NFAT5: variants seen among roughly 807,000 people sequenced by gnomAD.
NFAT5 encodes the protein nuclear factor of activated T cells 5.
NFAT5 carries 31 observed loss-of-function variants against 166.5 expected under a neutral mutation model. That is an observed-to-expected ratio of 0.19 (90% CI 0.14 to 0.25). NFAT5 has a LOEUF of 0.25. Among genes scored for constraint, NFAT5 ranks in the 10% least tolerant of loss-of-function variants. NFAT5 has a pLI of 1.00. For synonymous variants in NFAT5, 612 were observed against 639.7 expected, an observed-to-expected ratio of 0.96 and a Z score of 0.65; for missense variants, 1,449 against 1,821.8, an observed-to-expected ratio of 0.80 and a Z score of 3.72.
chr16:69,655,752 T>C lies in NFAT5; in HGVS notation c.1149T>C (p.Thr383=), dbSNP rs1187633351. 6.2e-7 allele frequency: 1 copy of C among 1,613,918 alleles called. No individual in the cohort carries two copies. Among genetic ancestry groups the C allele is most frequent in the Non-Finnish European group, 8.5e-7 (1 of 1,179,890 alleles). The change falls in exon 6 of 15, where the codon ACT becomes ACC. Residue 383 remains threonine (T), a synonymous_variant. Coordinates refer to ENST00000349945, the MANE Select transcript of NFAT5 (RefSeq NM_138713.4). ...TPCKEVDIEG[T]TVIEVGLDPS... Reference sequence around the variant, plus strand: ...GCAAAGAAGTGGACATTGAAGGCACTACTGTTATAGAAGTCGGCCTTGATC... The same window carrying C: ...GCAAAGAAGTGGACATTGAAGGCACCACTGTTATAGAAGTCGGCCTTGATC...
In NFAT5 at chr16:69,692,737, A is replaced by T. The variant is rs1567614202; in HGVS notation, c.2912A>T (p.Glu971Val). 1 of 1,614,216 alleles carries T rather than the reference A, an allele frequency of 6.2e-7. No individual in the cohort carries two copies. Among genetic ancestry groups the T allele is most frequent in the Non-Finnish European group, 8.5e-7 (1 of 1,180,032 alleles). ...AATGAGGATATGCAAATGCAGTGTGAATTGTTTTCTTCTCCTCCTGCAGTT... is the reference window on the plus strand; with the variant it reads ...AATGAGGATATGCAAATGCAGTGTGTATTGTTTTCTTCTCCTCCTGCAGTT... ...STNEDMQMQC[E>V]LFSSPPAVSG... The change falls in exon 13 of 15, where the codon GAA becomes GTA. Residue 971 changes from glutamate (E) to valine (V), a missense_variant. Transcript: ENST00000349945.
chr16:69,691,959 G>A lies in NFAT5; in HGVS notation c.2134G>A (p.Ala712Thr). The change falls in exon 13 of 15, where the codon GCT becomes ACT. Residue 712 changes from alanine (A) to threonine (T), a missense_variant. Transcript: ENST00000349945. ...GCCTGGTACTTTTCCAGCAGTTTCT[G>A]CTTCTAGTCAGCTGCCCAACAGCGA... ...SQPGTFPAVSASSQLPNSDAL... is the reference protein window; with the variant it reads ...SQPGTFPAVSTSSQLPNSDAL... The A allele has an allele frequency of 1.2e-6, 2 of 1,614,124 alleles. No homozygotes were observed. Among genetic ancestry groups the A allele is most frequent in the Non-Finnish European group, 1.7e-6 (2 of 1,180,024 alleles).
At chr16:69,642,131 A>C (rs1350619445) in intron 3 of NFAT5, among the ~76,000 whole-genome samples, 2 of 152,146 alleles carry the variant, frequency 1.3e-5, no homozygotes, top group Non-Finnish European at 2.9e-5. Flanking sequence ...AAAGAAAGTA[A>C]ATAAAATCCT....
At chr16:69,612,037 G>T (rs1299698049) in intron 2 of NFAT5, among the ~76,000 whole-genome samples, 1 of 152,176 alleles carries the variant, frequency 6.6e-6, no homozygotes, top group East Asian at 1.9e-4. Flanking sequence ...CAGGTACAAT[G>T]TTGTTTCTTC....
chr16:69,667,244 G>A (rs1326722038), intron 7 of NFAT5, among the ~76,000 whole-genome samples: 1 of 151,402 alleles, frequency 6.6e-6, no homozygotes, highest in East Asian at 1.9e-4. Flanking sequence ...AGTGGGTGCA[G>A]CACACCAGCA....
intron 6 of NFAT5, among the ~76,000 whole-genome samples, chr16:69,657,861 G>T (rs1040715480): frequency 1.3e-5 from 2 of 150,960 alleles, no homozygotes; most frequent in Non-Finnish European, 2.9e-5. Flanking sequence ...CGAGGCAGGC[G>T]GATCACGAGG....
intron 10 of NFAT5, among the ~76,000 whole-genome samples, chr16:69,680,983 C>A (rs2037036639): frequency 6.6e-6 from 1 of 152,296 alleles, no homozygotes; most frequent in East Asian, 1.9e-4. Flanking sequence ...TGGTCTCTAA[C>A]TCCTGACCTC....
At chr16:69,598,874 C>T (rs767866141) in intron 2 of NFAT5, among the ~76,000 whole-genome samples, 9 of 151,676 alleles carry the variant, frequency 5.9e-5, no homozygotes, top group East Asian at 3.9e-4. Context: ...ATTAGCCGGG[C>T]GCGATGGTGC....
intron 2 of NFAT5, among the ~76,000 whole-genome samples, chr16:69,593,591 A>T (rs955081603): frequency 2.0e-5 from 3 of 152,054 alleles, no homozygotes; most frequent in African/African-American, 7.3e-5. Flanking sequence ...CTGGGATTAT[A>T]GGCAGGAGCC....
chr16:69,568,252 G>A (rs1238837014), intron 1 of NFAT5, among the ~76,000 whole-genome samples: 3 of 152,058 alleles, frequency 2.0e-5, no homozygotes, highest in Non-Finnish European at 2.9e-5. Context: ...TCCGGGAGGC[G>A]GAGGTTGCGG....
intron 1 of NFAT5, among the ~76,000 whole-genome samples, chr16:69,567,284 T>C (rs2016123095): frequency 6.6e-6 from 1 of 152,182 alleles, no homozygotes; most frequent in South Asian, 2.1e-4. Context: ...TCTGAAATAT[T>C]AGCACTGGAG....
intron 1 of NFAT5, among the ~76,000 whole-genome samples, chr16:69,567,627 C>A (rs1458646395): frequency 1.3e-5 from 2 of 152,182 alleles, no homozygotes; most frequent in African/African-American, 4.8e-5. Flanking sequence ...AGGTGCTGGA[C>A]TTTACAGACT....
At chr16:69,594,842 G>A (rs2032697380) in intron 2 of NFAT5, among the ~76,000 whole-genome samples, 1 of 152,154 alleles carries the variant, frequency 6.6e-6, no homozygotes, top group African/African-American at 2.4e-5. Flanking sequence ...CCCACAATAG[G>A]TCATCTGCAA....
chr16:69,667,797 G>A lies in NFAT5; in HGVS notation c.1370-2180G>A, dbSNP rs541626594. Among the ~76,000 whole-genome samples, 11 of 152,168 alleles carry A rather than the reference G, an allele frequency of 7.2e-5. No individual in the cohort carries two copies. The East Asian group carries it at 2.1e-3, about 29-fold the overall frequency. ...GTTTCTGGAATGTTTTTAAAAACAA[G>A]TATCTATTTCCTGTTACTCCAAAAA... On this transcript the variant is annotated intron_variant, in intron 7 of 14. Transcript: ENST00000349945.
chr16:69,589,549 T>C (rs551287597), intron 2 of NFAT5, among the ~76,000 whole-genome samples: 1 of 152,298 alleles, frequency 6.6e-6, no homozygotes, highest in East Asian at 1.9e-4. Flanking sequence ...AAAAAAATTT[T>C]AGCAGTTAAA....
At chr16:69,661,351 A>C (rs1468529182) in intron 7 of NFAT5, among the ~76,000 whole-genome samples, 1 of 150,182 alleles carries the variant, frequency 6.7e-6, no homozygotes, top group Non-Finnish European at 1.5e-5. Context: ...ATTGAACAAC[A>C]TAATGAGAGA....
intron 2 of NFAT5, among the ~76,000 whole-genome samples, chr16:69,569,966 G>T (rs1041437954): frequency 3.9e-5 from 6 of 152,096 alleles, no homozygotes; most frequent in Non-Finnish European, 7.4e-5. Flanking sequence ...AGACATATTT[G>T]TCTGTACAAA....
rs140442640 is a variant in NFAT5, at chr16:69,594,776, A to G, written c.127+26228A>G. ...GACAGAACTAATAGGATAGATGTAT[A>G]TATCTACAGGGGAGCTTATTAAGGA... On this transcript the variant is annotated intron_variant, in intron 2 of 14. Transcript: ENST00000349945. 8.7e-3 allele frequency among the ~76,000 whole-genome samples: 1,332 copies of G among 152,288 alleles called. 17 individuals are homozygous for G. Among genetic ancestry groups the G allele is most frequent in the African/African-American group, 0.031 (1,271 of 41,550 alleles).
chr16:69,669,348 C>T (rs1177341580), intron 7 of NFAT5, among the ~76,000 whole-genome samples: 1 of 152,066 alleles, frequency 6.6e-6, no homozygotes, highest in Non-Finnish European at 1.5e-5. Flanking sequence ...GGTTCGAGAC[C>T]AGCCTGACCA....
Sources: gnomAD v4.1 joint callset for allele counts (sites outside exome capture counted in the v4.1 genomes callset) on GRCh38, gnomAD v4.1.1 for gene constraint, MANE v1.5 for transcripts, NCBI Gene and HGNC (gene_info 2026-07-23, HGNC 2026-07-21) for gene names.